Variants in RBFOX1 observed in about 807,000 individuals in gnomAD.
RBFOX1 encodes the protein RNA binding fox-1 homolog 1.
RBFOX1 carries 8 observed loss-of-function variants against 57.7 expected under a neutral mutation model. The ratio of observed to expected loss-of-function variants is 0.14; its 90% CI spans 0.08 to 0.25. RBFOX1 has a LOEUF of 0.25. Among genes scored for constraint, RBFOX1 ranks in the 10% least tolerant of loss-of-function variants. The probability of loss-of-function intolerance (pLI) is 1.00; values close to 1 mark genes in which losing one functional copy is unlikely to be tolerated. For synonymous variants in RBFOX1, 326 were observed against 222.4 expected (o/e 1.47, Z -4.15); for missense variants, 611 against 548.5 (o/e 1.11, Z -1.14).
At chr16:7,222,528 G>A (rs1213963273) in intron 4 of RBFOX1, among the ~76,000 whole-genome samples, 1 of 152,154 alleles carries the variant, frequency 6.6e-6, no homozygotes, top group East Asian at 1.9e-4. Flanking sequence ...TTGATAACAG[G>A]ACCCAGAGGA....
At chr16:6,771,102 A>G (rs1428582398) in intron 3 of RBFOX1, among the ~76,000 whole-genome samples, 1 of 152,104 alleles carries the variant, frequency 6.6e-6, no homozygotes, top group Non-Finnish European at 1.5e-5. Context: ...TATAAGAAGA[A>G]AAAATCAGAA....
intron 1 of RBFOX1, among the ~76,000 whole-genome samples, chr16:6,297,338 G>T (rs1179956933): frequency 6.6e-6 from 1 of 152,132 alleles, no homozygotes; most frequent in African/African-American, 2.4e-5. Flanking sequence ...AGATGGAGTT[G>T]CTCTGGTTCA....
At chr16:5,906,313 G>T (rs189514055) in intron 4 of RBFOX1, among the ~76,000 whole-genome samples, 1 of 152,146 alleles carries the variant, frequency 6.6e-6, no homozygotes, top group African/African-American at 2.4e-5. Context: ...GGGAAATTTG[G>T]ACACAAACAC....
At chr16:7,699,912 G>A (rs145849022) in intron 14 of RBFOX1, among the ~76,000 whole-genome samples, 2 of 152,256 alleles carry the variant, frequency 1.3e-5, no homozygotes, top group South Asian at 2.1e-4. Context: ...GGTGGGGGAT[G>A]TTCACCAGGA....
chr16:5,406,698 G>T (rs1231724842), intron 1 of RBFOX1, among the ~76,000 whole-genome samples: 2 of 151,984 alleles, frequency 1.3e-5, no homozygotes, highest in African/African-American at 2.4e-5. Context: ...GTTTTCTGGA[G>T]AACCCTAATA....
At chr16:6,423,183 A>G (rs916717855) in intron 2 of RBFOX1, among the ~76,000 whole-genome samples, 1 of 152,064 alleles carries the variant, frequency 6.6e-6, no homozygotes, top group Non-Finnish European at 1.5e-5. Flanking sequence ...TCAACACCCA[A>G]CTTTCTCTGA....
intron 5 of RBFOX1, among the ~76,000 whole-genome samples, chr16:7,549,015 A>G (rs1362636300): frequency 6.6e-6 from 1 of 152,236 alleles, no homozygotes; most frequent in Non-Finnish European, 1.5e-5. Flanking sequence ...TGGCTAGCCC[A>G]GATGGTGATA....
intron 4 of RBFOX1, among the ~76,000 whole-genome samples, chr16:7,225,896 A>T (rs1239960399): frequency 7.8e-6 from 1 of 127,646 alleles, no homozygotes; most frequent in African/African-American, 2.9e-5. Context: ...TAGAACTTAA[A>T]GTATAATAAA....
intron 4 of RBFOX1, among the ~76,000 whole-genome samples, chr16:7,431,813 G>C (rs1242034512): frequency 6.6e-6 from 1 of 152,168 alleles, no homozygotes; most frequent in Admixed American, 6.5e-5. Context: ...ATTTGAGGCT[G>C]GGAAGTCTGC....
chr16:6,728,407 T>A (rs1349657783), intron 3 of RBFOX1, among the ~76,000 whole-genome samples: 1 of 152,242 alleles, frequency 6.6e-6, no homozygotes, highest in Non-Finnish European at 1.5e-5. Context: ...GGTTATTCCT[T>A]GAGCCCAGTT....
intron 2 of RBFOX1, among the ~76,000 whole-genome samples, chr16:6,375,946 T>G (rs2091119679): frequency 6.6e-6 from 1 of 152,152 alleles, no homozygotes; most frequent in African/African-American, 2.4e-5. Context: ...GCCAGTGAAC[T>G]TGGATTACTC....
At chr16:6,805,154 A>G (rs1358896283) in intron 3 of RBFOX1, among the ~76,000 whole-genome samples, 1 of 152,192 alleles carries the variant, frequency 6.6e-6, no homozygotes, top group African/African-American at 2.4e-5. Context: ...AGGCCCAGCA[A>G]TAACAGATTG....
chr16:5,950,188 T>A (rs967353753), intron 4 of RBFOX1, among the ~76,000 whole-genome samples: 5 of 152,304 alleles, frequency 3.3e-5, no homozygotes, highest in Admixed American at 6.5e-5. Flanking sequence ...GTGTGAGGCC[T>A]CTTGTTAAAA....
chr16:7,496,097 G>T (rs2068552294), intron 4 of RBFOX1, among the ~76,000 whole-genome samples: 1 of 152,128 alleles, frequency 6.6e-6, no homozygotes, highest in South Asian at 2.1e-4. Context: ...CAGTGAGTCA[G>T]TGCACACATC....
At chr16:6,250,708 C>T (rs2097602972) in intron 1 of RBFOX1, among the ~76,000 whole-genome samples, 1 of 152,116 alleles carries the variant, frequency 6.6e-6, no homozygotes. Flanking sequence ...GAGTATGTTG[C>T]AGAGAGGAAA....
At chr16:7,702,743 T>A (rs1018191318) in intron 14 of RBFOX1, among the ~76,000 whole-genome samples, 2 of 152,218 alleles carry the variant, frequency 1.3e-5, no homozygotes, top group Non-Finnish European at 2.9e-5. Context: ...TGGTCTGGAA[T>A]GTATGTTCCA....
chr16:6,021,482 C>A (rs2095075677), intron 1 of RBFOX1, among the ~76,000 whole-genome samples: 1 of 152,152 alleles, frequency 6.6e-6, no homozygotes, highest in African/African-American at 2.4e-5. Flanking sequence ...GACCTGGGGC[C>A]TGTGAAGGGT....
chr16:5,774,215 T>C (rs1158117892), intron 3 of RBFOX1, among the ~76,000 whole-genome samples: 1 of 151,938 alleles, frequency 6.6e-6, no homozygotes, highest in Non-Finnish European at 1.5e-5. Context: ...ATTTGGGCAA[T>C]GGGAAGAGAA....
intron 4 of RBFOX1, among the ~76,000 whole-genome samples, chr16:6,001,628 A>C (rs2060601582): frequency 6.6e-6 from 1 of 152,216 alleles, no homozygotes; most frequent in Non-Finnish European, 1.5e-5. Context: ...CTTAGTGCTT[A>C]TGTATTTGCT....
Sources: gnomAD v4.1 joint callset for allele counts (sites outside exome capture counted in the v4.1 genomes callset) on GRCh38, gnomAD v4.1.1 for gene constraint, MANE v1.5 for transcripts, NCBI Gene and HGNC (gene_info 2026-07-23, HGNC 2026-07-21) for gene names.